The following NKAIN2 variants were observed in gnomAD, a reference collection of about 807,000 sequenced individuals.
NKAIN2 encodes sodium/potassium-transporting ATPase subunit beta-1-interacting protein 2.
A neutral mutation model predicts 32.6 loss-of-function variants in NKAIN2; 14 were observed. The ratio of observed to expected loss-of-function variants is 0.43; its 90% confidence interval spans 0.28 to 0.67. The LOEUF (loss-of-function observed/expected upper bound fraction) is 0.67. Among genes scored for constraint, NKAIN2 ranks in the 30% least tolerant of loss-of-function variants. The pLI is 0.17. For synonymous variants in NKAIN2, 80 were observed against 87.2 expected (o/e 0.92, Z 0.46); for missense variants, 198 against 258.3 (o/e 0.77, Z 1.60).
chr6:123,931,795 AC>A (rs999541302), intron 1 of NKAIN2, among the ~76,000 whole-genome samples: 8 of 152,070 alleles, frequency 5.3e-5, no homozygotes, highest in Non-Finnish European at 1.2e-4. Context: ...TGATCTACTA[AC>A]CCTACTCACC....
At position 123,964,533 on chromosome 6, in the gene NKAIN2, A is replaced by G. The variant is rs1021115452; in HGVS notation, c.54+160279A>G. On this transcript the variant is annotated intron_variant, in intron 1 of 6. Transcript: ENST00000368417. This position sits in a 1 kb window ranked among gnomAD's most constrained non-coding sequence, Gnocchi z 4.0. Reference sequence around the variant, plus strand: ...CTCATCTCTATATCATCTCATTTCTATATCATATTATTTCCTCATTTTCCT... The same window carrying G: ...CTCATCTCTATATCATCTCATTTCTGTATCATATTATTTCCTCATTTTCCT... 6.6e-6 allele frequency among the ~76,000 whole-genome samples: 1 copy of G among 152,104 alleles called. No individual in the cohort carries two copies. The highest frequency in any genetic ancestry group is 1.9e-4 in the East Asian group (1 of 5,198).
At chr6:124,585,462 T>C (rs950722494) in intron 3 of NKAIN2, among the ~76,000 whole-genome samples, 5 of 152,208 alleles carry the variant, frequency 3.3e-5, no homozygotes, top group African/African-American at 1.2e-4. Flanking sequence ...TAAAAGAGTA[T>C]AATTGGATTA....
At chr6:124,011,221 A>G (rs1416759600) in intron 1 of NKAIN2, among the ~76,000 whole-genome samples, 1 of 152,058 alleles carries the variant, frequency 6.6e-6, no homozygotes, top group Non-Finnish European at 1.5e-5. Context: ...CCTCCTTGTT[A>G]GTGCTGGAAG....
chr6:124,663,272 A>G (rs978491434), intron 4 of NKAIN2, among the ~76,000 whole-genome samples: 3 of 151,794 alleles, frequency 2.0e-5, no homozygotes, highest in Non-Finnish European at 4.4e-5. Flanking sequence ...AAAAATACAC[A>G]CACAAAAAAA....
chr6:124,561,731 T>C (rs758989153), intron 3 of NKAIN2, among the ~76,000 whole-genome samples: 2 of 152,136 alleles, frequency 1.3e-5, no homozygotes, highest in Non-Finnish European at 2.9e-5. Flanking sequence ...ATGGTAAATA[T>C]ATCCTAAAAG....
At chr6:124,286,677 C>T (rs555869500) in intron 2 of NKAIN2, among the ~76,000 whole-genome samples, 2,227 of 119,428 alleles carry the variant, frequency 0.019, 33 homozygotes, top group South Asian at 0.038. Context: ...TGTGTGTGCG[C>T]GCGCGTGTGT....
intron 3 of NKAIN2, among the ~76,000 whole-genome samples, chr6:124,602,567 A>G (rs1177883086): frequency 1.3e-5 from 2 of 151,956 alleles, no homozygotes; most frequent in Non-Finnish European, 2.9e-5. Flanking sequence ...AAAGAGATGG[A>G]AAGACAAAAT....
At chr6:124,716,056 G>T (rs1008413021) in intron 4 of NKAIN2, among the ~76,000 whole-genome samples, 2 of 152,214 alleles carry the variant, frequency 1.3e-5, no homozygotes, top group African/African-American at 4.8e-5. Context: ...TGAACCCAGA[G>T]ATTTAAAGTC....
At chr6:123,917,179 A>T (rs1308491100) in intron 1 of NKAIN2, among the ~76,000 whole-genome samples, 3 of 152,132 alleles carry the variant, frequency 2.0e-5, no homozygotes, top group Admixed American at 6.6e-5. Context: ...TAAAGTTTTT[A>T]AAGAGACAAC....
chr6:123,817,180 G>A (rs723256), intron 1 of NKAIN2, among the ~76,000 whole-genome samples: 20,005 of 152,056 alleles, frequency 0.13, 2,843 homozygotes, highest in African/African-American at 0.35. Flanking sequence ...AGTGATTATG[G>A]AAAGAGTAAA....
intron 3 of NKAIN2, among the ~76,000 whole-genome samples, chr6:124,423,503 T>C (rs757429518): frequency 2.6e-5 from 4 of 152,216 alleles, no homozygotes; most frequent in African/African-American, 7.2e-5. Context: ...GATGTTAATT[T>C]TGACACTACA....
At chr6:124,005,788 T>C (rs1386852359) in intron 1 of NKAIN2, among the ~76,000 whole-genome samples, 1 of 152,188 alleles carries the variant, frequency 6.6e-6, no homozygotes, top group African/African-American at 2.4e-5. Context: ...TGGTACAAGA[T>C]TCAGAGCTGG....
chr6:124,590,567 C>T (rs1781874194), intron 3 of NKAIN2, among the ~76,000 whole-genome samples: 1 of 152,136 alleles, frequency 6.6e-6, no homozygotes, highest in African/African-American at 2.4e-5. Flanking sequence ...GGGCCAGTGG[C>T]CTTGAGGCCC....
chr6:124,764,261 A>G (rs1446433489), intron 4 of NKAIN2, among the ~76,000 whole-genome samples: 1 of 152,172 alleles, frequency 6.6e-6, no homozygotes, highest in Non-Finnish European at 1.5e-5. Context: ...TTTATAGGTC[A>G]TTACAATTAC....
intron 4 of NKAIN2, among the ~76,000 whole-genome samples, chr6:124,726,814 A>T: frequency 7.4e-6 from 1 of 134,960 alleles, no homozygotes; most frequent in Non-Finnish European, 1.6e-5. Context: ...TTTGAAAAAA[A>T]TTTAGAAGAA....
intron 3 of NKAIN2, among the ~76,000 whole-genome samples, chr6:124,422,259 C>A (rs372896312): frequency 2.6e-5 from 4 of 152,066 alleles, no homozygotes; most frequent in South Asian, 4.2e-4. Flanking sequence ...TAATTGCCTT[C>A]TTTGTGGGAT....
intron 1 of NKAIN2, among the ~76,000 whole-genome samples, chr6:124,027,083 T>C (rs572543981): frequency 8.1e-4 from 124 of 152,208 alleles, no homozygotes; most frequent in African/African-American, 2.9e-3. Context: ...TAGCAATTGT[T>C]TTCCCTGGGA....
chr6:123,903,009 C>T (rs1405140004), intron 1 of NKAIN2, among the ~76,000 whole-genome samples: 1 of 152,142 alleles, frequency 6.6e-6, no homozygotes, highest in Non-Finnish European at 1.5e-5. Flanking sequence ...GGTAGTTAGT[C>T]ATACTGCTTT....
intron 1 of NKAIN2, among the ~76,000 whole-genome samples, chr6:124,273,217 A>G (rs755806332): frequency 5.3e-5 from 8 of 152,166 alleles, no homozygotes; most frequent in Non-Finnish European, 1.0e-4. Flanking sequence ...CTCATCTCCA[A>G]TTGTAATCTC....
Sources: allele counts gnomAD v4.1 joint callset (sites outside exome capture counted in the v4.1 genomes callset), GRCh38; gene constraint gnomAD v4.1.1; non-coding constraint Gnocchi (gnomAD v3.1); transcripts MANE v1.5; gene names NCBI Gene and HGNC (gene_info 2026-07-23, HGNC 2026-07-21).